The following MAF variants were observed in gnomAD, a reference collection of about 807,000 sequenced individuals.
The protein encoded by MAF is MAF bZIP transcription factor, also known as transcription factor Maf.
MAF carries 10 observed loss-of-function variants against 22.0 expected under a neutral mutation model. The ratio of observed to expected loss-of-function variants is 0.45; its 90% CI spans 0.28 to 0.77. MAF has a LOEUF of 0.77. Ranked by LOEUF, MAF falls within the 30% of genes least tolerant of loss-of-function variation. The pLI is 0.12. For missense variants in MAF, 544 were observed against 548.4 expected, an observed-to-expected ratio of 0.99 and a Z score of 0.08; for synonymous variants, 337 against 255.8, an observed-to-expected ratio of 1.32 and a Z score of -3.03.
chr16:79,512,984 C>T, the MAF span, among the ~76,000 whole-genome samples: 5,975 of 152,288 alleles, frequency 0.039, 405 homozygotes, highest in African/African-American at 0.14. Flanking sequence ...GCTGACTGCT[C>T]AACTCATGTG....
chr16:79,284,037 A>G, the MAF span, among the ~76,000 whole-genome samples: 1 of 151,356 alleles, frequency 6.6e-6, no homozygotes, highest in South Asian at 2.1e-4. Context: ...CTTTTAGCAC[A>G]AATTTACACT....
At chr16:79,374,075 C>T in the MAF span, among the ~76,000 whole-genome samples, 2 of 152,262 alleles carry the variant, frequency 1.3e-5, no homozygotes, top group East Asian at 3.9e-4. Context: ...TCCTCCTCTG[C>T]CTTGTCAGTG....
chr16:79,234,619 GT>G, the MAF span, among the ~76,000 whole-genome samples: 1 of 152,096 alleles, frequency 6.6e-6, no homozygotes, highest in African/African-American at 2.4e-5. Flanking sequence ...GCAACATGTT[GT>G]GTGTCTCAGC....
chr16:79,406,917 G>C, the MAF span, among the ~76,000 whole-genome samples: 1 of 152,130 alleles, frequency 6.6e-6, no homozygotes, highest in Non-Finnish European at 1.5e-5. Context: ...GTAGGGGCTG[G>C]GCACTCTCCT....
the MAF span, among the ~76,000 whole-genome samples, chr16:79,427,870 A>G: frequency 3.9e-5 from 6 of 152,100 alleles, no homozygotes; most frequent in Admixed American, 3.9e-4. Context: ...TGCCTCCAGG[A>G]CTTAGACTTC....
chr16:79,406,358 G>C, the MAF span, among the ~76,000 whole-genome samples: 5 of 152,294 alleles, frequency 3.3e-5, no homozygotes, highest in African/African-American at 9.6e-5. Flanking sequence ...GGATATCATA[G>C]ACTGAGTGGC....
the MAF span, among the ~76,000 whole-genome samples, chr16:79,303,151 C>G: frequency 1.5e-3 from 222 of 152,246 alleles, no homozygotes; most frequent in African/African-American, 5.2e-3. Context: ...CCACTCCCAG[C>G]ACTGTGGAGG....
the MAF span, among the ~76,000 whole-genome samples, chr16:79,219,725 C>T: frequency 1.3e-5 from 2 of 152,124 alleles, no homozygotes; most frequent in Non-Finnish European, 2.9e-5. Context: ...CCGTTCCCTA[C>T]TGTCACTCTG....
the MAF span, among the ~76,000 whole-genome samples, chr16:79,360,618 G>A: frequency 6.6e-6 from 1 of 152,198 alleles, no homozygotes; most frequent in South Asian, 2.1e-4. Flanking sequence ...TTTGACTTGA[G>A]TTCTTTTATT....
chr16:79,211,032 G>C, the MAF span, among the ~76,000 whole-genome samples: 2 of 30,442 alleles, frequency 6.6e-5, no homozygotes, highest in Admixed American at 3.6e-4. Context: ...TGTATGGTGA[G>C]GAGTGTGTGT....
the MAF span, among the ~76,000 whole-genome samples, chr16:79,422,301 A>G: frequency 2.0e-5 from 3 of 152,234 alleles, no homozygotes; most frequent in Non-Finnish European, 4.4e-5. Flanking sequence ...CAATGACGTC[A>G]AAGTGAAGGG....
At chr16:79,273,859 G>C in the MAF span, among the ~76,000 whole-genome samples, 1 of 151,970 alleles carries the variant, frequency 6.6e-6, no homozygotes, top group Non-Finnish European at 1.5e-5. Flanking sequence ...TCTAGGGATT[G>C]GGACATGGAT....
the MAF span, among the ~76,000 whole-genome samples, chr16:79,569,056 C>T: frequency 2.6e-5 from 4 of 152,204 alleles, no homozygotes; most frequent in Admixed American, 6.5e-5. Flanking sequence ...TAAGTCCCTG[C>T]AGGATCTCAT....
chr16:79,317,893 A>G, the MAF span, among the ~76,000 whole-genome samples: 1 of 148,754 alleles, frequency 6.7e-6, no homozygotes, highest in African/African-American at 2.5e-5. Context: ...TCTGTGGGGT[A>G]GCTTGTATTC....
the MAF span, among the ~76,000 whole-genome samples, chr16:79,211,041 G>GTGTGTGTC: frequency 6.9e-6 from 1 of 145,352 alleles, no homozygotes; most frequent in African/African-American, 2.8e-5. Context: ...AGGAGTGTGT[G>GTGTGTGTC]TGTGTGTGTG....
chr16:79,488,459 T>C, the MAF span, among the ~76,000 whole-genome samples: 1 of 152,082 alleles, frequency 6.6e-6, no homozygotes, highest in African/African-American at 2.4e-5. Context: ...GGAGCCCACA[T>C]AATCACTCTA....
chr16:79,410,155 G>C, the MAF span, among the ~76,000 whole-genome samples: 1 of 152,166 alleles, frequency 6.6e-6, no homozygotes, highest in African/African-American at 2.4e-5. Context: ...CAAACATCGA[G>C]CTGTAACCAA....
chr16:79,543,582 C>T, the MAF span, among the ~76,000 whole-genome samples: 5 of 152,270 alleles, frequency 3.3e-5, no homozygotes, highest in African/African-American at 1.2e-4. Context: ...CAATGCCCCA[C>T]GTTCTGGGTA....
chr16:79,407,628 C>T, the MAF span, among the ~76,000 whole-genome samples: 2 of 152,120 alleles, frequency 1.3e-5, no homozygotes, highest in East Asian at 1.9e-4. Flanking sequence ...GTTAGGAAGT[C>T]CCCCTGGTAA....
Sources: allele counts gnomAD v4.1 joint callset (sites outside exome capture counted in the v4.1 genomes callset), GRCh38; gene constraint gnomAD v4.1.1; transcripts MANE v1.5; gene names NCBI Gene and HGNC (gene_info 2026-07-23, HGNC 2026-07-21).